Variants in SOCS1 observed in about 807,000 individuals in gnomAD.
SOCS1 encodes JAK binding protein.
In SOCS1, 3 loss-of-function variants were observed where a neutral mutation model predicts 9.7. That is an observed-to-expected ratio of 0.31 (90% CI 0.14 to 0.80). SOCS1 has a LOEUF of 0.80. Among genes scored for constraint, SOCS1 ranks in the 30% least tolerant of loss-of-function variants. The pLI is 0.61. For synonymous variants in SOCS1, 194 were observed against 150.2 expected (o/e 1.29, Z -2.13); for missense variants, 368 against 324.7 (o/e 1.13, Z -1.02).
In SOCS1 at chr16:11,255,041, G is replaced by A. The variant is rs2141124641; in HGVS notation, c.438C>T (p.Cys146=). 1.2e-6 allele frequency: 2 copies of A among 1,606,650 alleles called. No individual in the cohort carries two copies. Among genetic ancestry groups the A allele is most frequent in the Non-Finnish European group, 1.7e-6 (2 of 1,177,500 alleles). Residue 146 remains cysteine (C), a synonymous_variant, in exon 2 of 2, where the codon TGC becomes TGT. Coordinates refer to ENST00000332029, the MANE Select transcript of SOCS1 (RefSeq NM_003745.2). The part of the protein sequence containing the change: ...HLDGSRESFD[C]LFELLEHYVA... ...CGTAGTGCTCCAGCAGCTCGAAGAG[G>A]CAGTCGAAGCTCTCGCGGCTGCCAT...
Position 11,254,966 on chromosome 16 carries a change from C to G in SOCS1, c.513G>C (p.Val171=). ...GGCGGCACAGCTCCTGCAGCGGCCG[C>G]ACGCGGCGCTGGCGCAGCGGGGCCC... ...MLGAPLRQRR[V]RPLQELCRQR... The change falls in exon 2 of 2, where the codon GTG becomes GTC. Residue 171 remains valine (V), a synonymous_variant. Transcript: ENST00000332029. The G allele has an allele frequency of 6.6e-7, 1 of 1,516,032 alleles. No individual in the cohort carries two copies. Among genetic ancestry groups the G allele is most frequent in the South Asian group, 1.3e-5 (1 of 78,856 alleles). 93.9% of individuals were successfully genotyped at this position (1,516,032 alleles called of 1,614,324 possible). A position where few individuals can be genotyped will look rare whatever the true frequency, so the allele number is the denominator to read the frequency against.
In SOCS1 at chr16:11,254,628, G is replaced by A. The variant is rs567196031; in HGVS notation, c.*215C>T. On this transcript the variant is annotated 3_prime_UTR_variant, in exon 2 of 2. Transcript: ENST00000332029. ...GTTAAGCTGCTACAACAACCAGGGG[G>A]ACCCAGAGGGAGCACCAGGAGGGGG... 435 of 524,430 alleles carry A rather than the reference G, an allele frequency of 8.3e-4. No homozygotes were observed. Among genetic ancestry groups the A allele is most frequent in the Non-Finnish European group, 1.2e-3 (385 of 333,376 alleles). The allele number at this position is 524,430 out of a possible 1,614,324, so 32.5% of individuals were successfully genotyped here.
In SOCS1 at chr16:11,254,541, A is replaced by G. The variant is rs890937787; in HGVS notation, c.*302T>C. On this transcript the variant is annotated 3_prime_UTR_variant, in exon 2 of 2. Transcript: ENST00000332029. ...CCCAACCCCTGGTTTGTGCAAAGAT[A>G]CTGGGTATATGTAAACATGAAGAGG... 1.7e-4 allele frequency: 53 copies of G among 312,016 alleles called. No homozygotes were observed. The highest frequency in any genetic ancestry group is 9.9e-4 in the African/African-American group (47 of 47,484). The allele number at this position is 312,016 out of a possible 1,614,324, so 19.3% of individuals were successfully genotyped here.
rs941102253 is a variant in SOCS1 at position 11,256,170 on chromosome 16, C to G, written c.-142G>C. 6.6e-6 allele frequency: 1 copy of G among 151,666 alleles called. No individual in the cohort carries two copies. Among genetic ancestry groups the G allele is most frequent in the Non-Finnish European group, 1.5e-5 (1 of 67,924 alleles). 9.4% of individuals were successfully genotyped at this position (151,666 alleles called of 1,614,324 possible). A position where few individuals can be genotyped will look rare whatever the true frequency, so the allele number is the denominator to read the frequency against. ...CTCGCGCATGCTCCGGGGCCAGGAG[C>G]CGTGCAGCTGCCACGGCCGCAGCTC... is the stretch of plus-strand genomic sequence containing the variant. On this transcript the variant is annotated 5_prime_UTR_variant, in exon 1 of 2. Transcript: ENST00000332029.
At chr16:11,256,033 T>TC (rs1168790936) in intron 1 of SOCS1, 46 bp downstream of exon 1, 2 of 151,248 alleles carry the variant, frequency 1.3e-5, no homozygotes, top group Non-Finnish European at 1.5e-5. Context: ...TGCCCTGGAC[T>TC]CCCCTCCCTC....
Position 11,254,828 on chromosome 16 carries a change from G to C in SOCS1, c.*15C>G, listed in dbSNP as rs1317802340. ...GCATCCCAGTTAATGCTGCGTGCAC[G>C]GCGGGCGCTGCCGGTCAAATCTGGA... On this transcript the variant is annotated 3_prime_UTR_variant, in exon 2 of 2. Transcript: ENST00000332029. 4 of 1,468,206 alleles carry C rather than the reference G, an allele frequency of 2.7e-6. No homozygotes were observed. The highest frequency in any genetic ancestry group is 1.5e-5 in the South Asian group (1 of 67,452). The allele number at this position is 1,468,206 out of a possible 1,614,324, so 90.9% of individuals were successfully genotyped here. A position where few individuals can be genotyped will look rare whatever the true frequency, so the allele number is the denominator to read the frequency against.
Position 11,255,328 on chromosome 16 carries a change from C to T in SOCS1, c.151G>A (p.Gly51Ser). 4 of 1,466,472 alleles carry T rather than the reference C, an allele frequency of 2.7e-6. No individual in the cohort carries two copies. Among genetic ancestry groups the T allele is most frequent in the African/African-American group, 1.5e-5 (1 of 67,738 alleles). The allele number at this position is 1,466,472 out of a possible 1,614,324, so 90.8% of individuals were successfully genotyped here. A position where few individuals can be genotyped will look rare whatever the true frequency, so the allele number is the denominator to read the frequency against. ...CGGAATGTGCGGAAGTGCGTGTCGC[C>T]GGGGGCCGGGGCCGGGACCGCGGGG... is the stretch of plus-strand genomic sequence containing the variant. ...PCPAVPAPAP[G>S]DTHFRTFRSH... Residue 51 changes from glycine to serine, a missense_variant, in exon 2 of 2, where the codon GGC (glycine) becomes AGC (serine). Transcript: ENST00000332029.
Position 11,255,438 on chromosome 16 carries a change from G to C in SOCS1, c.41C>G (p.Ser14Cys). 7.6e-7 allele frequency: 1 copy of C among 1,314,818 alleles called. No homozygotes were observed. The highest frequency in any genetic ancestry group is 9.7e-7 in the Non-Finnish European group (1 of 1,036,054). The allele number at this position is 1,314,818 out of a possible 1,614,324, so 81.4% of individuals were successfully genotyped here. A position where few individuals can be genotyped will look rare whatever the true frequency, so the allele number is the denominator to read the frequency against. ...HNQVAADNAVSTAAEPRRRPE... is the reference protein window; with the variant it reads ...HNQVAADNAVCTAAEPRRRPE... Reference sequence around the variant, plus strand: ...CCGCCGTCGGGGCTCTGCTGCTGTGGAGACTGCATTGTCGGCTGCCACCTG... The same window carrying C: ...CCGCCGTCGGGGCTCTGCTGCTGTGCAGACTGCATTGTCGGCTGCCACCTG... Residue 14 changes from serine (S) to cysteine (C), a missense_variant, in exon 2 of 2, where the codon TCC (serine) becomes TGC (cysteine). Ser to Cys is a moderately radical substitution (Grantham distance 112). Transcript: ENST00000332029.
chr16:11,255,014 C>G lies in SOCS1; in HGVS notation c.465G>C (p.Val155=), dbSNP rs749151911. Residue 155 remains valine, a synonymous_variant, in exon 2 of 2, where the codon GTG becomes GTC. Coordinates refer to ENST00000332029, the MANE Select transcript of SOCS1 (RefSeq NM_003745.2). The part of the protein sequence containing the change: ...DCLFELLEHY[V]AAPRRMLGAP... ...CCCCCAGCATGCGGCGCGGCGCCGC[C>G]ACGTAGTGCTCCAGCAGCTCGAAGA... 1 of 1,591,124 alleles carries G rather than the reference C, an allele frequency of 6.3e-7. No individual in the cohort carries two copies. The highest frequency in any genetic ancestry group is 2.4e-5 in the East Asian group (1 of 42,096).
rs2069574320 is a variant in SOCS1 at position 11,254,817 on chromosome 16, G to T, written c.*26C>A. On this transcript the variant is annotated 3_prime_UTR_variant, in exon 2 of 2. Transcript: ENST00000332029. Reference sequence around the variant, plus strand: ...AAAATAACACGGCATCCCAGTTAATGCTGCGTGCACGGCGGGCGCTGCCGG... The same window carrying T: ...AAAATAACACGGCATCCCAGTTAATTCTGCGTGCACGGCGGGCGCTGCCGG... 8 of 1,461,684 alleles carry T rather than the reference G, an allele frequency of 5.5e-6. No individual in the cohort carries two copies. The highest frequency in any genetic ancestry group is 7.2e-6 in the Non-Finnish European group (8 of 1,113,424). 90.5% of individuals were successfully genotyped at this position (1,461,684 alleles called of 1,614,324 possible). A position where few individuals can be genotyped will look rare whatever the true frequency, so the allele number is the denominator to read the frequency against.
intron 1 of SOCS1, 43 bp from the exon 2 acceptor site, chr16:11,255,571 G>A (rs1337614663): frequency 3.8e-6 from 3 of 799,812 alleles, no homozygotes; most frequent in Non-Finnish European, 3.4e-6. Flanking sequence ...CTGCGGGGCC[G>A]GGCAGGTGTG....
chr16:11,254,577 G>C lies in SOCS1; in HGVS notation c.*266C>G. Reference sequence around the variant, plus strand: ...GTAAACATGAAGAGGTAGGAGGTGCGAGTTCAGGTCCTGGCTCCAGATACA... The same window carrying C: ...GTAAACATGAAGAGGTAGGAGGTGCCAGTTCAGGTCCTGGCTCCAGATACA... On this transcript the variant is annotated 3_prime_UTR_variant, in exon 2 of 2. Transcript: ENST00000332029. 2.6e-6 allele frequency: 1 copy of C among 378,244 alleles called. No homozygotes were observed. Among genetic ancestry groups the C allele is most frequent in the Non-Finnish European group, 4.6e-6 (1 of 215,288 alleles). 23.4% of individuals were successfully genotyped at this position (378,244 alleles called of 1,614,324 possible).
rs1277102650 is a variant in SOCS1 at position 11,254,462 on chromosome 16, A to G, written c.*381T>C. 4.1e-6 allele frequency: 1 copy of G among 246,762 alleles called. No homozygotes were observed. The highest frequency in any genetic ancestry group is 5.5e-5 in the Admixed American group (1 of 18,130). The allele number at this position is 246,762 out of a possible 1,614,324, so 15.3% of individuals were successfully genotyped here. A position where few individuals can be genotyped will look rare whatever the true frequency, so the allele number is the denominator to read the frequency against. On this transcript the variant is annotated 3_prime_UTR_variant, in exon 2 of 2. Transcript: ENST00000332029. The stretch of plus-strand genomic sequence containing the variant: ...AAAGTTTATTACCTAAACTGACTTT[A>G]AAAAATATAAAATAGGATTCTGCAC...
At position 11,255,383 on chromosome 16, in the gene SOCS1, C is replaced by T. The variant is rs2069586477; in HGVS notation, c.96G>A (p.Ser32=). The T allele has an allele frequency of 3.7e-6, 5 of 1,337,464 alleles. No individual in the cohort carries two copies. The highest frequency in any genetic ancestry group is 3.1e-5 in the African/African-American group (2 of 64,754). 82.8% of individuals were successfully genotyped at this position (1,337,464 alleles called of 1,614,324 possible). The change falls in exon 2 of 2, where the codon TCG becomes TCA. Residue 32 remains serine, a synonymous_variant. Coordinates refer to ENST00000332029, the MANE Select transcript of SOCS1 (RefSeq NM_003745.2). ...RPEPSSSSSS[S]PAAPARPRPC... ...GCCGCGGGCGCGCGGGGGCCGCGGG[C>T]GAGGAGGAGGAAGAGGAGGAAGGTT...
Position 11,255,398 on chromosome 16 carries a change from G to A in SOCS1, c.81C>T (p.Ser27=), listed in dbSNP as rs761965913. The part of the protein sequence containing the change: ...AEPRRRPEPS[S]SSSSSPAAPA... ...GGGCCGCGGGCGAGGAGGAGGAAGAGGAGGAAGGTTCTGGCCGCCGTCGGG... is the reference window on the plus strand; with the variant it reads ...GGGCCGCGGGCGAGGAGGAGGAAGAAGAGGAAGGTTCTGGCCGCCGTCGGG... The change falls in exon 2 of 2, where the codon TCC becomes TCT. Residue 27 remains serine, a synonymous_variant. Transcript: ENST00000332029. 1.0e-5 allele frequency: 14 copies of A among 1,337,272 alleles called. No homozygotes were observed. The African/African-American group carries it at 1.2e-4, about 12-fold the overall frequency. 82.8% of individuals were successfully genotyped at this position (1,337,272 alleles called of 1,614,324 possible).
intron 1 of SOCS1, 42 bp from the exon 2 acceptor site, chr16:11,255,570 C>G (rs2069589930): frequency 2.4e-6 from 2 of 822,598 alleles, no homozygotes; most frequent in Non-Finnish European, 3.3e-6. Context: ...GCTGCGGGGC[C>G]GGGCAGGTGT....
chr16:11,255,003 C>G lies in SOCS1; in HGVS notation c.476G>C (p.Arg159Pro), dbSNP rs751847790. Residue 159 changes from arginine (R) to proline (P), a missense_variant, in exon 2 of 2, where the codon CGC becomes CCC. Coordinates refer to ENST00000332029, the MANE Select transcript of SOCS1 (RefSeq NM_003745.2). ...GCGCAGCGGGGCCCCCAGCATGCGG[C>G]GCGGCGCCGCCACGTAGTGCTCCAG... is the stretch of plus-strand genomic sequence containing the variant. Reference protein sequence around the residue: ...ELLEHYVAAPRRMLGAPLRQR... With the variant: ...ELLEHYVAAPPRMLGAPLRQR... The G allele has an allele frequency of 1.9e-6, 3 of 1,573,956 alleles. No homozygotes were observed. The highest frequency in any genetic ancestry group is 1.7e-6 in the Non-Finnish European group (2 of 1,163,750).
chr16:11,254,554 A>C lies in SOCS1; in HGVS notation c.*289T>G. ...TTGTGCAAAGATACTGGGTATATGTAAACATGAAGAGGTAGGAGGTGCGAG... is the reference window on the plus strand; with the variant it reads ...TTGTGCAAAGATACTGGGTATATGTCAACATGAAGAGGTAGGAGGTGCGAG... On this transcript the variant is annotated 3_prime_UTR_variant, in exon 2 of 2. Coordinates refer to ENST00000332029, the MANE Select transcript of SOCS1 (RefSeq NM_003745.2). 1 of 336,504 alleles carries C rather than the reference A, an allele frequency of 3.0e-6. No homozygotes were observed. Among genetic ancestry groups the C allele is most frequent in the East Asian group, 4.6e-5 (1 of 21,750 alleles). The allele number at this position is 336,504 out of a possible 1,614,324, so 20.8% of individuals were successfully genotyped here.
Position 11,255,107 on chromosome 16 carries a change from C to A in SOCS1, c.372G>T (p.Thr124=). The A allele has an allele frequency of 1.2e-6, 2 of 1,609,864 alleles. No individual in the cohort carries two copies. The highest frequency in any genetic ancestry group is 1.7e-6 in the Non-Finnish European group (2 of 1,178,960). Residue 124 remains threonine (T), a synonymous_variant, in exon 2 of 2, where the codon ACG becomes ACT. Coordinates refer to ENST00000332029, the MANE Select transcript of SOCS1 (RefSeq NM_003745.2). The stretch of plus-strand genomic sequence containing the variant: ...CGGCCTGAAAGTGCACGCGGATGCT[C>A]GTGGGTCCCGAGGCCATCTTCACGC... ...ALSVKMASGP[T]SIRVHFQAGR... is the part of the protein sequence containing the mutation.
Sources: gnomAD v4.1 joint callset for allele counts on GRCh38, gnomAD v4.1.1 for gene constraint, MANE v1.5 for transcripts, NCBI Gene and HGNC (gene_info 2026-07-23, HGNC 2026-07-21) for gene names.